Variants in PIK3CB observed in about 807,000 individuals in gnomAD.
PIK3CB encodes the protein phosphatidylinositol-4,5-bisphosphate 3-kinase catalytic subunit beta, also known as phosphatidylinositol 4,5-bisphosphate 3-kinase catalytic subunit beta isoform.
In PIK3CB, 39 loss-of-function variants were observed where a neutral mutation model predicts 136.8. The ratio of observed to expected loss-of-function variants is 0.29; its 90% CI spans 0.22 to 0.37. The LOEUF (loss-of-function observed/expected upper bound fraction) is 0.37, where lower values mean the gene tolerates loss of function less well. PIK3CB is among the 10% of genes least tolerant of loss of function. PIK3CB has a pLI of 1.00. For synonymous variants in PIK3CB, 428 were observed against 436.6 expected (o/e 0.98, Z 0.25); for missense variants, 868 against 1,275.4 (o/e 0.68, Z 4.87).
rs182827951 is a variant in PIK3CB at position 138,709,712 on chromosome 3, G to A, written c.1400-2423C>T. Among the ~76,000 whole-genome samples, 4 of 152,212 alleles carry A rather than the reference G, an allele frequency of 2.6e-5. No homozygotes were observed. The East Asian group carries it at 7.7e-4, about 29-fold the overall frequency. On this transcript the variant is annotated intron_variant, in intron 10 of 23. Transcript: ENST00000674063. ...TCTCAGAGAGGAAGTCAGGTTCATA[G>A]TATTATGCCAAGTTAACACCACCAA...
rs1258926560 is a variant in PIK3CB, at chr3:138,654,850, T to C, written c.*539A>G. 4.8e-6 allele frequency: 1 copy of C among 209,376 alleles called. No homozygotes were observed. The highest frequency in any genetic ancestry group is 9.7e-6 in the Non-Finnish European group (1 of 102,984). The allele number at this position is 209,376 out of a possible 1,614,324, so 13.0% of individuals were successfully genotyped here. On this transcript the variant is annotated 3_prime_UTR_variant, in exon 24 of 24. Transcript: ENST00000674063. ...AAATAAATATTAACAAAAGAATTAA[T>C]GAGTATCCACAGGTTTACAAGATTT... is the stretch of plus-strand genomic sequence containing the variant.
At chr3:138,711,263 C>T (rs2044491836) in intron 10 of PIK3CB, among the ~76,000 whole-genome samples, 1 of 150,038 alleles carries the variant, frequency 6.7e-6, no homozygotes, top group African/African-American at 2.4e-5. Flanking sequence ...AAGCAACACA[C>T]ATTCATTAAA....
chr3:138,705,199 A>AAAAC (rs1559828867), intron 11 of PIK3CB, among the ~76,000 whole-genome samples: 1 of 143,260 alleles, frequency 7.0e-6, no homozygotes, highest in Admixed American at 7.2e-5. Context: ...ACAAAAAAAA[A>AAAAC]AACTTATATT....
intron 2 of PIK3CB, among the ~76,000 whole-genome samples, chr3:138,764,133 T>C (rs1220888878): frequency 1.3e-5 from 2 of 149,640 alleles, no homozygotes; most frequent in Non-Finnish European, 3.0e-5. Flanking sequence ...AAAAAAATTC[T>C]TGATGAAATG....
intron 11 of PIK3CB, 103 bp from the exon 12 acceptor site, chr3:138,704,596 G>C: frequency 1.3e-6 from 1 of 761,552 alleles, no homozygotes; most frequent in South Asian, 1.5e-5. Context: ...ATCTGGCATT[G>C]CTATGCTTTG....
At chr3:138,673,879 G>C (rs1157806408) in intron 19 of PIK3CB, among the ~76,000 whole-genome samples, 2 of 152,194 alleles carry the variant, frequency 1.3e-5, no homozygotes, top group African/African-American at 4.8e-5. Flanking sequence ...TTCAAAGCCT[G>C]ATTCCCACAG....
At chr3:138,784,407 TCCCTCC>T (rs937567803) in intron 2 of PIK3CB, among the ~76,000 whole-genome samples, 5 of 151,692 alleles carry the variant, frequency 3.3e-5, no homozygotes, top group African/African-American at 4.8e-5. Flanking sequence ...GCTCTCCCTC[TCCCTCC>T]CCCTCCCCCT....
chr3:138,818,788 T>C (rs1422634341), intron 1 of PIK3CB, among the ~76,000 whole-genome samples: 2 of 152,130 alleles, frequency 1.3e-5, no homozygotes, highest in Non-Finnish European at 2.9e-5. Context: ...CCCTTTACCA[T>C]TGGAAACAAA....
chr3:138,822,465 G>A (rs989625227), intron 1 of PIK3CB, among the ~76,000 whole-genome samples: 2 of 151,476 alleles, frequency 1.3e-5, no homozygotes, highest in African/African-American at 4.9e-5. Context: ...GAGAACAGCT[G>A]GAACCTGGGA....
chr3:138,672,285 C>G (rs1457801260), intron 19 of PIK3CB, among the ~76,000 whole-genome samples: 1 of 152,020 alleles, frequency 6.6e-6, no homozygotes, highest in Non-Finnish European at 1.5e-5. Flanking sequence ...AAAAAAGTTT[C>G]ATGTAAGTGC....
intron 8 of PIK3CB, among the ~76,000 whole-genome samples, chr3:138,721,508 G>T (rs2044725894): frequency 6.6e-6 from 1 of 152,096 alleles, no homozygotes; most frequent in South Asian, 2.1e-4. Context: ...TGATCCATGT[G>T]TGCATATATA....
At chr3:138,765,402 T>C (rs2045720587) in intron 2 of PIK3CB, among the ~76,000 whole-genome samples, 1 of 152,152 alleles carries the variant, frequency 6.6e-6, no homozygotes, top group African/African-American at 2.4e-5. Context: ...AACTTGAACC[T>C]TGCAATCTTC....
At chr3:138,721,313 C>T (rs1398135223) in intron 8 of PIK3CB, among the ~76,000 whole-genome samples, 2 of 152,110 alleles carry the variant, frequency 1.3e-5, no homozygotes, top group South Asian at 4.1e-4. Context: ...TAAGCACCTG[C>T]CACCACACCT....
intron 8 of PIK3CB, among the ~76,000 whole-genome samples, chr3:138,721,727 C>T (rs988397305): frequency 1.1e-4 from 17 of 152,136 alleles, no homozygotes; most frequent in African/African-American, 2.9e-4. Flanking sequence ...TTAATTTGGT[C>T]TCTTCTAGAA....
At chr3:138,761,476 T>C (rs2045660748) in intron 2 of PIK3CB, among the ~76,000 whole-genome samples, 2 of 152,134 alleles carry the variant, frequency 1.3e-5, no homozygotes, top group South Asian at 2.1e-4. Context: ...AAATCAACTA[T>C]AAAAAACTAT....
At chr3:138,806,540 A>T (rs2046236708) in intron 1 of PIK3CB, among the ~76,000 whole-genome samples, 1 of 152,210 alleles carries the variant, frequency 6.6e-6, no homozygotes, top group African/African-American at 2.4e-5. Flanking sequence ...AAACATGCTC[A>T]GCAGAACAGG....
intron 19 of PIK3CB, among the ~76,000 whole-genome samples, chr3:138,678,579 T>C (rs1220048560): frequency 6.6e-6 from 1 of 152,092 alleles, no homozygotes; most frequent in African/African-American, 2.4e-5. Flanking sequence ...AATACATTCA[T>C]ATTGGAGTAA....
chr3:138,751,332 C>A (rs2045467942), intron 4 of PIK3CB, among the ~76,000 whole-genome samples: 1 of 152,050 alleles, frequency 6.6e-6, no homozygotes, highest in Admixed American at 6.6e-5. Context: ...GTGGCAGGTG[C>A]CTGTAGTCCC....
At chr3:138,719,411 AATTTTTGT>A (rs768007322) in intron 8 of PIK3CB, among the ~76,000 whole-genome samples, 20 of 151,744 alleles carry the variant, frequency 1.3e-4, no homozygotes, top group Admixed American at 3.3e-4. Flanking sequence ...ATGCCTGGCT[AATTTTTGT>A]ATTTTTAGTA....
Sources: allele counts gnomAD v4.1 joint callset (sites outside exome capture counted in the v4.1 genomes callset), GRCh38; gene constraint gnomAD v4.1.1; transcripts MANE v1.5; gene names NCBI Gene and HGNC (gene_info 2026-07-23, HGNC 2026-07-21).